The following PACS2 variants were observed in gnomAD, a reference collection of about 807,000 sequenced individuals.
The protein encoded by PACS2 is phosphofurin acidic cluster sorting protein 2.
In PACS2, 36 loss-of-function variants were observed where a neutral mutation model predicts 113.0. The observed-to-expected ratio is 0.32, with a 90% CI of 0.24 to 0.42. The LOEUF is 0.42. PACS2 is among the 10% of genes least tolerant of loss of function. PACS2 has a pLI of 1.00. For missense variants in PACS2, 1,015 were observed against 1,239.5 expected (o/e 0.82, Z 2.72); for synonymous variants, 589 against 536.1 (o/e 1.10, Z -1.36).
intron 23 of PACS2, 89 bp downstream of exon 23, chr14:105,392,934 C>T: frequency 1.8e-6 from 2 of 1,087,714 alleles, no homozygotes; most frequent in Admixed American, 3.8e-5. Flanking sequence ...ATGACAGCCC[C>T]CGGGCTGGCC....
At chr14:105,370,016 A>T in intron 8 of PACS2, 116 bp downstream of exon 8, 2 of 904,692 alleles carry the variant, frequency 2.2e-6, no homozygotes, top group Non-Finnish European at 3.4e-6. Context: ...CACCGTCTGC[A>T]CGGCCCCGCC....
chr14:105,367,121 A>C, intron 4 of PACS2, 92 bp from the exon 5 acceptor site: 1 of 1,186,802 alleles, frequency 8.4e-7, no homozygotes, highest in East Asian at 2.5e-5. Flanking sequence ...TCACTGAGAG[A>C]GAAAGCCCTT....
At chr14:105,300,799 C>A in exon 1 of PACS2, 1 of 315,656 alleles carries the variant, frequency 3.2e-6, no homozygotes, top group East Asian at 1.2e-4. Context: ...GCGCCCGGGC[C>A]GCGCCGCCCG....
Position 105,355,234 on chromosome 14 carries a change from T to C in PACS2, c.423+57T>C. ...GGCTGGCCACCTGGGTGCCAGAGCA[T>C]TCGCCCGTGGGAGATGGAGATGTCT... On this transcript the variant is annotated intron_variant, in intron 4 of 24. Transcript: ENST00000447393. This position sits in a 1 kb window ranked among gnomAD's most constrained non-coding sequence, Gnocchi z 4.1. The C allele has an allele frequency of 6.3e-7, 1 of 1,577,232 alleles. No homozygotes were observed. The highest frequency in any genetic ancestry group is 1.4e-5 in the African/African-American group (1 of 73,926).
In PACS2 at chr14:105,395,887, G is replaced by C. The variant is rs2081515242; in HGVS notation, c.*1215G>C. On this transcript the variant is annotated 3_prime_UTR_variant, in exon 25 of 25. Transcript: ENST00000447393. ...CTGCACTGTGGGGTCTCCATAGGAGGAGCTGGGGAAGCTGGGGCCCTCCCA... is the reference window on the plus strand; with the variant it reads ...CTGCACTGTGGGGTCTCCATAGGAGCAGCTGGGGAAGCTGGGGCCCTCCCA... 1 of 152,350 alleles carries C rather than the reference G, an allele frequency of 6.6e-6. No individual in the cohort carries two copies. Among genetic ancestry groups the C allele is most frequent in the South Asian group, 2.1e-4 (1 of 4,834 alleles). 9.4% of individuals were successfully genotyped at this position (152,350 alleles called of 1,614,324 possible).
At chr14:105,351,969 G>A (rs782575218) in intron 2 of PACS2, among the ~76,000 whole-genome samples, 6 of 152,266 alleles carry the variant, frequency 3.9e-5, no homozygotes, top group Non-Finnish European at 8.8e-5. Context: ...TCCAGCCTGA[G>A]CAACACAGCG....
rs188324481 is a variant in PACS2, at chr14:105,350,968, G to C, written c.208-1410G>C. On this transcript the variant is annotated intron_variant, in intron 2 of 24. Coordinates refer to ENST00000447393, the MANE Select transcript of PACS2 (RefSeq NM_001100913.3). ...CAGCACAAGGGGAGGACCAGAGTCC[G>C]CCATGGACGTCTCATGGAGCCCGAG... Among the ~76,000 whole-genome samples the C allele has an allele frequency of 1.8e-3, 270 of 152,298 alleles. 2 individuals are homozygous for C. The highest frequency in any genetic ancestry group is 0.015 in the East Asian group (80 of 5,168).
intron 1 of PACS2, among the ~76,000 whole-genome samples, chr14:105,334,777 G>T (rs1219945185): frequency 1.3e-5 from 2 of 152,280 alleles, no homozygotes; most frequent in Non-Finnish European, 2.9e-5. Flanking sequence ...ACAAGTCACT[G>T]AGCACAGACC....
chr14:105,384,891 C>T lies in PACS2; in HGVS notation c.1904C>T (p.Pro635Leu), dbSNP rs1555413174. 6.3e-7 allele frequency: 1 copy of T among 1,587,266 alleles called. No individual in the cohort carries two copies. Among genetic ancestry groups the T allele is most frequent in the African/African-American group, 1.3e-5 (1 of 74,676 alleles). Residue 635 changes from proline (P) to leucine (L), a missense_variant, in exon 18 of 25, where the codon CCA (proline) becomes CTA (leucine). Physicochemically the swap from Pro to Leu is moderately conservative, Grantham distance 98 (BLOSUM62 -3). Around this residue, in one of 3 missense-constraint regions of PACS2, gnomAD observed 859 missense variants for 1,056.8 expected, o/e 0.81. Coordinates refer to ENST00000447393, the MANE Select transcript of PACS2 (RefSeq NM_001100913.3). ...CCTCCCCCTGCAGTACAGGACACGC[C>T]AGACATTGTGTCACGCATCACGCAG... ...LEAQSAVQDT[P>L]DIVSRITQYI...
At position 105,317,046 on chromosome 14, in the gene PACS2, C is replaced by T. The variant is rs901944999; in HGVS notation, c.119+2009C>T. Among the ~76,000 whole-genome samples, 1 of 152,234 alleles carries T rather than the reference C, an allele frequency of 6.6e-6. No individual in the cohort carries two copies. The highest frequency in any genetic ancestry group is 1.5e-5 in the Non-Finnish European group (1 of 68,040). Reference sequence around the variant, plus strand: ...TAGCTTTGCTTTGTGCTTGTGCCGCCTGTCCGTGCATCCTCGGACAGTCTG... The same window carrying T: ...TAGCTTTGCTTTGTGCTTGTGCCGCTTGTCCGTGCATCCTCGGACAGTCTG... On this transcript the variant is annotated intron_variant, in intron 1 of 24. Coordinates refer to ENST00000447393, the MANE Select transcript of PACS2 (RefSeq NM_001100913.3). The surrounding 1 kb of genome is among the most constrained non-coding windows in gnomAD (Gnocchi z 4.2).
chr14:105,384,888 C>T lies in PACS2; in HGVS notation c.1901C>T (p.Thr634Met), dbSNP rs376311769. Residue 634 changes from threonine to methionine, a missense_variant, in exon 18 of 25, where the codon ACG (threonine) becomes ATG (methionine). This residue lies in a region of PACS2 where 859 missense variants were observed against 1,056.8 expected (regional missense o/e 0.81). Transcript: ENST00000447393. ...KLEAQSAVQD[T>M]PDIVSRITQY... Reference sequence around the variant, plus strand: ...CCTCCTCCCCCTGCAGTACAGGACACGCCAGACATTGTGTCACGCATCACG... The same window carrying T: ...CCTCCTCCCCCTGCAGTACAGGACATGCCAGACATTGTGTCACGCATCACG... 4.5e-5 allele frequency: 72 copies of T among 1,582,666 alleles called. No homozygotes were observed. The highest frequency in any genetic ancestry group is 5.7e-5 in the Non-Finnish European group (66 of 1,163,250).
chr14:105,337,557 G>T (rs2140943536), intron 1 of PACS2, among the ~76,000 whole-genome samples: 1 of 152,372 alleles, frequency 6.6e-6, no homozygotes, highest in Middle Eastern at 3.4e-3. Context: ...AAGCCAGGGG[G>T]AGCACCAGTG....
intron 8 of PACS2, 118 bp downstream of exon 8, chr14:105,370,018 G>A (rs587607829): frequency 1.2e-5 from 11 of 882,474 alleles, no homozygotes; most frequent in South Asian, 6.3e-5. Context: ...CCGTCTGCAC[G>A]GCCCCGCCAG....
chr14:105,333,832 C>T (rs769141994), intron 1 of PACS2, among the ~76,000 whole-genome samples: 21 of 152,216 alleles, frequency 1.4e-4, no homozygotes, highest in Non-Finnish European at 3.1e-4. Flanking sequence ...GGCTTGGCCC[C>T]GGAGGCCTGC....
At chr14:105,310,502 C>A (rs587646878), upstream of PACS2, among the ~76,000 whole-genome samples, 1 of 144,924 alleles carries the variant, frequency 6.9e-6, no homozygotes, top group Non-Finnish European at 1.5e-5. Context: ...TGCACTCCAG[C>A]CTGGGCGACA....
rs2081527607 is a variant in PACS2 at position 105,396,342 on chromosome 14, C to T, written c.*1670C>T. 1 of 152,318 alleles carries T rather than the reference C, an allele frequency of 6.6e-6. No homozygotes were observed. Among genetic ancestry groups the T allele is most frequent in the Non-Finnish European group, 1.5e-5 (1 of 68,158 alleles). The allele number at this position is 152,318 out of a possible 1,614,324, so 9.4% of individuals were successfully genotyped here. A position where few individuals can be genotyped will look rare whatever the true frequency, so the allele number is the denominator to read the frequency against. The stretch of plus-strand genomic sequence containing the variant: ...AGGAAGGTCTCCCATTGAATCCTGG[C>T]TTCAGGCTCTGCCCCGAGAAGTGTC... On this transcript the variant is annotated 3_prime_UTR_variant, in exon 25 of 25. Transcript: ENST00000447393.
chr14:105,367,411 T>C, intron 5 of PACS2, 36 bp downstream of exon 5: 1 of 1,598,322 alleles, frequency 6.3e-7, no homozygotes, highest in Non-Finnish European at 8.6e-7. Context: ...GCCCCTGCTG[T>C]GGGGAGGCCC....
chr14:105,351,387 G>T (rs1459342478), intron 2 of PACS2, among the ~76,000 whole-genome samples: 2 of 152,190 alleles, frequency 1.3e-5, no homozygotes, highest in Non-Finnish European at 2.9e-5. Context: ...AGCTCACTGG[G>T]TATGAACTGT....
In PACS2 at chr14:105,373,406, T is replaced by G. The variant is rs180769280; in HGVS notation, c.802-3362T>G. 2.2e-4 allele frequency among the ~76,000 whole-genome samples: 34 copies of G among 152,312 alleles called. No homozygotes were observed. The Middle Eastern group carries it at 0.01, about 46-fold the overall frequency. ...TGGAATGGAGGTGATAGTCCAGAAG[T>G]GAACCCTTCCATTTATGGGCAAGTG... On this transcript the variant is annotated intron_variant, in intron 8 of 24. Transcript: ENST00000447393.
Sources: gnomAD v4.1 joint callset for allele counts (sites outside exome capture counted in the v4.1 genomes callset) on GRCh38, gnomAD v4.1.1 for gene constraint, gnomAD v4.1.1 regional missense constraint, Gnocchi (gnomAD v3.1) non-coding constraint, MANE v1.5 for transcripts, NCBI Gene and HGNC (gene_info 2026-07-23, HGNC 2026-07-21) for gene names.